TBC1D4: variants seen among roughly 807,000 people sequenced by gnomAD.
The protein encoded by TBC1D4 is TBC (Tre-2, BUB2, CDC16) domain-containing protein.
A neutral mutation model predicts 142.5 loss-of-function variants in TBC1D4; 121 were observed. The ratio of observed to expected loss-of-function variants is 0.85; its 90% CI spans 0.73 to 0.99. The LOEUF (loss-of-function observed/expected upper bound fraction) is 0.99. TBC1D4 is among the 50% of genes least tolerant of loss of function. The probability of loss-of-function intolerance (pLI) is 0.00; values close to 1 mark genes in which losing one functional copy is unlikely to be tolerated. For missense variants in TBC1D4, 1,475 were observed against 1,606.6 expected (o/e 0.92, Z 1.40); for synonymous variants, 630 against 628.2 (o/e 1.00, Z -0.04).
At chr13:75,304,373 T>C (rs76164841) in intron 15 of TBC1D4, among the ~76,000 whole-genome samples, 2,138 of 152,282 alleles carry the variant, frequency 0.014, 51 homozygotes, top group African/African-American at 0.049. Flanking sequence ...CATTGAGTGA[T>C]GAATAAATCC....
intron 1 of TBC1D4, among the ~76,000 whole-genome samples, chr13:75,460,701 G>A (rs753480939): frequency 1.3e-5 from 2 of 151,978 alleles, no homozygotes; most frequent in Non-Finnish European, 2.9e-5. Context: ...CGGAAGGATC[G>A]CTTGATCCCA....
chr13:75,328,330 C>T (rs568454111), intron 8 of TBC1D4, among the ~76,000 whole-genome samples: 1 of 152,246 alleles, frequency 6.6e-6, no homozygotes, highest in South Asian at 2.1e-4. Context: ...TCCATAATGC[C>T]AAACTATTTC....
At position 75,321,351 on chromosome 13, in the gene TBC1D4, C is replaced by T. The variant is rs191427649; in HGVS notation, c.2199-1314G>A. Among the ~76,000 whole-genome samples, 31 of 152,118 alleles carry T rather than the reference C, an allele frequency of 2.0e-4. No individual in the cohort carries two copies. In the East Asian group the frequency reaches 5.4e-3, roughly 27 times the overall value. On this transcript the variant is annotated intron_variant, in intron 11 of 20. Transcript: ENST00000377636. ...TGAATATCCTTTTTCTTAGGAAATA[C>T]ACCCTAAAGTATTAAGAGTAAACGG... is the stretch of plus-strand genomic sequence containing the variant.
intron 1 of TBC1D4, among the ~76,000 whole-genome samples, chr13:75,366,083 A>G (rs1882891359): frequency 6.6e-6 from 1 of 152,200 alleles, no homozygotes; most frequent in African/African-American, 2.4e-5. Context: ...CTAGCTACAT[A>G]TTGTAGCTAC....
chr13:75,459,681 T>C (rs2138275548), intron 1 of TBC1D4, among the ~76,000 whole-genome samples: 1 of 152,332 alleles, frequency 6.6e-6, no homozygotes, highest in East Asian at 1.9e-4. Flanking sequence ...ACATTTTCCC[T>C]GTGTGTTCTT....
intron 1 of TBC1D4, among the ~76,000 whole-genome samples, chr13:75,405,745 A>G (rs960296388): frequency 3.3e-5 from 5 of 152,230 alleles, no homozygotes; most frequent in Non-Finnish European, 5.9e-5. Flanking sequence ...ATAATGCAGA[A>G]AAGCTTTAAG....
intron 12 of TBC1D4, among the ~76,000 whole-genome samples, chr13:75,313,853 T>G (rs1327283414): frequency 6.6e-6 from 1 of 152,192 alleles, no homozygotes; most frequent in African/African-American, 2.4e-5. Flanking sequence ...GATTTCTTTA[T>G]AGCAGTACTT....
intron 1 of TBC1D4, among the ~76,000 whole-genome samples, chr13:75,380,582 A>ATC (rs1883782875): frequency 1.3e-5 from 2 of 152,176 alleles, no homozygotes; most frequent in Non-Finnish European, 2.9e-5. Context: ...TGAATTTACA[A>ATC]ACAATCAATC....
intron 12 of TBC1D4, chr13:75,316,496 T>C (rs1878328735): frequency 6.6e-6 from 1 of 152,190 alleles, no homozygotes; most frequent in Non-Finnish European, 1.5e-5. Context: ...ACCCTTTATC[T>C]TGTACTAAAA....
At chr13:75,336,101 T>G (rs956533465) in intron 8 of TBC1D4, among the ~76,000 whole-genome samples, 5 of 152,168 alleles carry the variant, frequency 3.3e-5, no homozygotes, top group Non-Finnish European at 5.9e-5. Context: ...CAAACTTATT[T>G]TGAAAGATCA....
chr13:75,303,964 A>G (rs997401863), intron 15 of TBC1D4, among the ~76,000 whole-genome samples: 5 of 152,096 alleles, frequency 3.3e-5, no homozygotes, highest in Admixed American at 2.0e-4. Context: ...TCTCCCTAAC[A>G]TCTCGAGATG....
chr13:75,386,736 A>C (rs1884198474), intron 1 of TBC1D4, among the ~76,000 whole-genome samples: 1 of 152,216 alleles, frequency 6.6e-6, no homozygotes, highest in South Asian at 2.1e-4. Flanking sequence ...ACAAATAAAA[A>C]AAACACTCAT....
chr13:75,288,899 G>C (rs147358764), intron 20 of TBC1D4, 35 bp downstream of exon 20: 2 of 1,604,694 alleles, frequency 1.2e-6, no homozygotes, highest in African/African-American at 2.7e-5. Context: ...AGGAGGCATT[G>C]AAGTACTTAT....
At chr13:75,348,950 AGAGAGT>A (rs1219057882) in intron 5 of TBC1D4, among the ~76,000 whole-genome samples, 214 of 125,010 alleles carry the variant, frequency 1.7e-3, no homozygotes, top group African/African-American at 6.4e-3. Context: ...AGAGAGAGAG[AGAGAGT>A]GTGTGTGTGT....
intron 1 of TBC1D4, among the ~76,000 whole-genome samples, chr13:75,414,980 C>A (rs2138094957): frequency 6.6e-6 from 1 of 151,948 alleles, no homozygotes; most frequent in East Asian, 1.9e-4. Context: ...AAAAATTAGC[C>A]AGGCCTGGTG....
chr13:75,455,264 C>T (rs1428801278), intron 1 of TBC1D4, among the ~76,000 whole-genome samples: 1 of 152,136 alleles, frequency 6.6e-6, no homozygotes, highest in African/African-American at 2.4e-5. Context: ...TAGCTAGGGG[C>T]CCCCACTCCG....
intron 1 of TBC1D4, among the ~76,000 whole-genome samples, chr13:75,421,535 T>C (rs1886169369): frequency 6.6e-6 from 1 of 152,216 alleles, no homozygotes; most frequent in South Asian, 2.1e-4. Context: ...CAAAATGTTC[T>C]GTAACAAGAA....
intron 8 of TBC1D4, among the ~76,000 whole-genome samples, chr13:75,329,694 G>A (rs1386492643): frequency 1.3e-5 from 2 of 152,122 alleles, no homozygotes; most frequent in East Asian, 3.8e-4. Flanking sequence ...CTGAGAAAGG[G>A]AGAGTGGGAA....
chr13:75,340,806 T>C (rs1880622813), intron 7 of TBC1D4, among the ~76,000 whole-genome samples: 1 of 151,624 alleles, frequency 6.6e-6, no homozygotes, highest in South Asian at 2.1e-4. Context: ...ATTAGCCGGG[T>C]GTGGTGGTGC....
Sources: gnomAD v4.1 joint callset for allele counts (sites outside exome capture counted in the v4.1 genomes callset) on GRCh38, gnomAD v4.1.1 for gene constraint, MANE v1.5 for transcripts, NCBI Gene and HGNC (gene_info 2026-07-23, HGNC 2026-07-21) for gene names.